Variants in IGF2BP2 observed in about 807,000 individuals in gnomAD.
IGF2BP2 encodes the protein insulin like growth factor 2 mRNA binding protein 2, also known as insulin-like growth factor 2 mRNA-binding protein 2.
Under a neutral mutation model 75.8 loss-of-function variants are expected in IGF2BP2, and 17 were observed. The observed-to-expected ratio is 0.22, with a 90% CI of 0.15 to 0.34. The LOEUF (loss-of-function observed/expected upper bound fraction) is 0.34. Ranked by LOEUF, IGF2BP2 falls within the 10% of genes least tolerant of loss-of-function variation. The probability of loss-of-function intolerance (pLI) is 1.00; values close to 1 mark genes in which losing one functional copy is unlikely to be tolerated. For missense variants in IGF2BP2, 516 were observed against 772.4 expected, an observed-to-expected ratio of 0.67 and a Z score of 3.93; for synonymous variants, 288 against 295.6, an observed-to-expected ratio of 0.97 and a Z score of 0.26.
Position 185,643,503 on chromosome 3 carries a change from T to C in IGF2BP2, c.*2028A>G, listed in dbSNP as rs115853324. ...TCAAGGTGGACCCCAAGAATCTACA[T>C]TTCTAACAAGTTCCCAGATGATAGC... On this transcript the variant is annotated 3_prime_UTR_variant, in exon 16 of 16. Coordinates refer to ENST00000382199, the MANE Select transcript of IGF2BP2 (RefSeq NM_006548.6). Among the ~76,000 whole-genome samples, 486 of 152,344 alleles carry C rather than the reference T, an allele frequency of 3.2e-3. No homozygotes were observed. Among genetic ancestry groups the C allele is most frequent in the African/African-American group, 0.011 (458 of 41,580 alleles).
At chr3:185,710,553 T>C (rs1724659846) in intron 2 of IGF2BP2, among the ~76,000 whole-genome samples, 1 of 151,988 alleles carries the variant, frequency 6.6e-6, no homozygotes, top group Non-Finnish European at 1.5e-5. Context: ...GCCAACATGG[T>C]GAAACCCCGT....
chr3:185,698,229 C>T, intron 3 of IGF2BP2, 70 bp downstream of exon 3: 1 of 1,410,794 alleles, frequency 7.1e-7, no homozygotes, highest in Non-Finnish European at 1.0e-6. Context: ...CCTCTAATTC[C>T]TAAATGTAAA....
intron 2 of IGF2BP2, among the ~76,000 whole-genome samples, chr3:185,770,780 T>A (rs1427311031): frequency 1.3e-5 from 2 of 152,190 alleles, no homozygotes; most frequent in Non-Finnish European, 2.9e-5. Context: ...AGAGACAGGG[T>A]CTCACTGTTG....
At chr3:185,667,158 C>A (rs561131030) in intron 10 of IGF2BP2, among the ~76,000 whole-genome samples, 1 of 151,956 alleles carries the variant, frequency 6.6e-6, no homozygotes, top group Non-Finnish European at 1.5e-5. Context: ...TTAAGTTCAA[C>A]GATAAAATGG....
intron 2 of IGF2BP2, among the ~76,000 whole-genome samples, chr3:185,725,938 T>A (rs1405134087): frequency 6.6e-6 from 1 of 152,204 alleles, no homozygotes; most frequent in African/African-American, 2.4e-5. Flanking sequence ...CACTACAGCC[T>A]GCACATCAGG....
At chr3:185,713,328 C>T (rs959712073) in intron 2 of IGF2BP2, 16 of 479,840 alleles carry the variant, frequency 3.3e-5, no homozygotes, top group Non-Finnish European at 5.0e-5. Flanking sequence ...TCTGTAAAGC[C>T]CATTTTCACA....
rs1719363339 is a variant in IGF2BP2 at position 185,676,440 on chromosome 3, G to GT, written c.813-528_813-527insA. The stretch of plus-strand genomic sequence containing the variant: ...CGCCTGTAATTTCAGCACTTTGGGA[G>GT]GCCAAGGTGGGCAATCGCCTAAGCC... On this transcript the variant is annotated intron_variant, in intron 7 of 15. Coordinates refer to ENST00000382199, the MANE Select transcript of IGF2BP2 (RefSeq NM_006548.6). Among the ~76,000 whole-genome samples, 4 of 152,292 alleles carry GT rather than the reference G, an allele frequency of 2.6e-5. No individual in the cohort carries two copies. In the South Asian group the frequency reaches 8.3e-4, roughly 32 times the overall value.
chr3:185,781,550 T>C (rs1261496280), intron 2 of IGF2BP2, among the ~76,000 whole-genome samples: 1 of 152,184 alleles, frequency 6.6e-6, no homozygotes, highest in Non-Finnish European at 1.5e-5. Flanking sequence ...TAAATAATAA[T>C]ATTAAAATAA....
At chr3:185,805,292 G>C (rs1738864960) in intron 2 of IGF2BP2, among the ~76,000 whole-genome samples, 1 of 152,132 alleles carries the variant, frequency 6.6e-6, no homozygotes, top group East Asian at 1.9e-4. Flanking sequence ...GTGCTAACTT[G>C]AGCTGTGGAA....
intron 2 of IGF2BP2, among the ~76,000 whole-genome samples, chr3:185,797,899 A>G (rs1479874673): frequency 6.0e-5 from 4 of 66,260 alleles, no homozygotes; most frequent in Non-Finnish European, 6.0e-5. Flanking sequence ...CTGTCTCTTA[A>G]AAAAAAAAAA....
chr3:185,683,204 T>C (rs1347781154), intron 7 of IGF2BP2, among the ~76,000 whole-genome samples: 1 of 152,180 alleles, frequency 6.6e-6, no homozygotes, highest in African/African-American at 2.4e-5. Context: ...AATAATAGTA[T>C]ATGATTCTAC....
intron 2 of IGF2BP2, among the ~76,000 whole-genome samples, chr3:185,818,619 G>A (rs1244531368): frequency 6.6e-6 from 1 of 152,100 alleles, no homozygotes; most frequent in African/African-American, 2.4e-5. Flanking sequence ...ACAGAGAGAG[G>A]AAACATTTAG....
rs186455521 is a variant in IGF2BP2, at chr3:185,643,373, C to T, written c.*2158G>A. On this transcript the variant is annotated 3_prime_UTR_variant, in exon 16 of 16. Transcript: ENST00000382199. ...GGTCTTCTCTAGCTTGACATGCAGT[C>T]GATCCATCCCTCTAGCTCCGAGGTT... Among the ~76,000 whole-genome samples the T allele has an allele frequency of 2.6e-5, 4 of 152,344 alleles. No individual in the cohort carries two copies. Among genetic ancestry groups the T allele is most frequent in the African/African-American group, 7.2e-5 (3 of 41,578 alleles).
At chr3:185,799,633 T>TC (rs1737925501) in intron 2 of IGF2BP2, among the ~76,000 whole-genome samples, 1 of 151,856 alleles carries the variant, frequency 6.6e-6, no homozygotes, top group Non-Finnish European at 1.5e-5. Flanking sequence ...GTGACTGTAG[T>TC]CCCAGCTACT....
intron 2 of IGF2BP2, among the ~76,000 whole-genome samples, chr3:185,817,757 T>A (rs1740794881): frequency 6.6e-6 from 1 of 152,208 alleles, no homozygotes; most frequent in Non-Finnish European, 1.5e-5. Flanking sequence ...TATTATTTGT[T>A]CAATGATACT....
At chr3:185,651,756 G>C (rs1266911167) in intron 13 of IGF2BP2, among the ~76,000 whole-genome samples, 1 of 152,164 alleles carries the variant, frequency 6.6e-6, no homozygotes, top group Non-Finnish European at 1.5e-5. Flanking sequence ...ACCTGTGTTA[G>C]TCCTCCATAG....
chr3:185,737,516 A>C (rs1729009527), intron 2 of IGF2BP2, among the ~76,000 whole-genome samples: 1 of 152,246 alleles, frequency 6.6e-6, no homozygotes, highest in African/African-American at 2.4e-5. Flanking sequence ...TTATAAAGTA[A>C]ATGTGCACAA....
chr3:185,673,487 T>C (rs1172512110), intron 9 of IGF2BP2, among the ~76,000 whole-genome samples: 1 of 152,190 alleles, frequency 6.6e-6, no homozygotes, highest in Non-Finnish European at 1.5e-5. Flanking sequence ...GTTGTCGGCT[T>C]TGTGATCATC....
intron 2 of IGF2BP2, among the ~76,000 whole-genome samples, chr3:185,790,789 T>TA (rs1197113802): frequency 6.6e-6 from 1 of 152,166 alleles, no homozygotes; most frequent in Non-Finnish European, 1.5e-5. Context: ...AGTAGCAGAA[T>TA]ATTCAAAAAA....
Sources: allele counts gnomAD v4.1 joint callset (sites outside exome capture counted in the v4.1 genomes callset), GRCh38; gene constraint gnomAD v4.1.1; transcripts MANE v1.5; gene names NCBI Gene and HGNC (gene_info 2026-07-23, HGNC 2026-07-21).